ELMO1: variants seen among roughly 807,000 people sequenced by gnomAD.
The protein encoded by ELMO1 is engulfment and cell motility protein 1.
A neutral mutation model predicts 98.9 loss-of-function variants in ELMO1; 26 were observed. The observed-to-expected ratio is 0.26, with a 90% confidence interval of 0.19 to 0.36. The LOEUF is 0.36. Ranked by LOEUF, ELMO1 falls within the 10% of genes least tolerant of loss-of-function variation. The probability of loss-of-function intolerance (pLI) is 1.00; values close to 1 mark genes in which losing one functional copy is unlikely to be tolerated. For missense variants in ELMO1, 627 were observed against 935.2 expected, an observed-to-expected ratio of 0.67 and a Z score of 4.30; for synonymous variants, 346 against 346.0, an observed-to-expected ratio of 1.00 and a Z score of 0.00.
At chr7:37,388,487 T>C (rs993959434) in intron 1 of ELMO1, among the ~76,000 whole-genome samples, 10 of 151,288 alleles carry the variant, frequency 6.6e-5, no homozygotes, top group African/African-American at 1.7e-4. Context: ...TTCTGGGAAG[T>C]TGTAATTGGG....
At chr7:36,919,559 C>T in intron 16 of ELMO1, 1 of 353,588 alleles carries the variant, frequency 2.8e-6, no homozygotes, top group South Asian at 2.2e-5. Context: ...TGCTGGGTTG[C>T]TATGATAATT....
At chr7:37,226,825 T>G (rs967275634) in intron 8 of ELMO1, among the ~76,000 whole-genome samples, 3 of 152,154 alleles carry the variant, frequency 2.0e-5, no homozygotes, top group Non-Finnish European at 4.4e-5. Flanking sequence ...GTGATCCATT[T>G]CAGTAACATG....
At chr7:37,325,214 C>T (rs1463886135) in intron 2 of ELMO1, among the ~76,000 whole-genome samples, 1 of 152,250 alleles carries the variant, frequency 6.6e-6, no homozygotes, top group Non-Finnish European at 1.5e-5. Flanking sequence ...TTGGCACTTG[C>T]CGCATCCTGC....
intron 13 of ELMO1, among the ~76,000 whole-genome samples, chr7:37,190,471 C>T (rs1377060770): frequency 6.6e-6 from 1 of 152,108 alleles, no homozygotes; most frequent in African/African-American, 2.4e-5. Flanking sequence ...CTATCCTATT[C>T]TAGGTTTTCA....
chr7:37,248,543 G>C (rs1210283641), intron 6 of ELMO1, among the ~76,000 whole-genome samples: 2 of 152,222 alleles, frequency 1.3e-5, no homozygotes, highest in Non-Finnish European at 2.9e-5. Context: ...TTCTGGGAGA[G>C]CCCTCAAGAG....
At chr7:37,054,368 C>G (rs995117754) in intron 15 of ELMO1, among the ~76,000 whole-genome samples, 1 of 152,124 alleles carries the variant, frequency 6.6e-6, no homozygotes, top group East Asian at 1.9e-4. Context: ...CACTAACTAA[C>G]AGCCTACCAA....
rs1453821875 is a variant in ELMO1 at position 36,983,312 on chromosome 7, C to T, written c.1437+29987G>A. Among the ~76,000 whole-genome samples the T allele has an allele frequency of 2.0e-5, 3 of 152,226 alleles. No homozygotes were observed. The East Asian group carries it at 5.8e-4, about 29-fold the overall frequency. Reference sequence around the variant, plus strand: ...TGATGGGCTTTTTACTTAGCTCAAACTTCCCAAATGGCGTTATTAATAATT... The same window carrying T: ...TGATGGGCTTTTTACTTAGCTCAAATTTCCCAAATGGCGTTATTAATAATT... On this transcript the variant is annotated intron_variant, in intron 16 of 21. Coordinates refer to ENST00000310758, the MANE Select transcript of ELMO1 (RefSeq NM_014800.11).
chr7:37,219,107 CTG>C (rs1252453300), intron 10 of ELMO1, among the ~76,000 whole-genome samples: 3 of 152,014 alleles, frequency 2.0e-5, no homozygotes, highest in Non-Finnish European at 4.4e-5. Flanking sequence ...TGCCAGGAAA[CTG>C]AGAATCTCCT....
chr7:37,404,630 G>A (rs1429830250), intron 1 of ELMO1, among the ~76,000 whole-genome samples: 3 of 152,120 alleles, frequency 2.0e-5, no homozygotes, highest in Non-Finnish European at 2.9e-5. Flanking sequence ...CCCCATCTGC[G>A]AGGCCCAGAT....
chr7:37,364,245 T>C (rs532572689), intron 1 of ELMO1, among the ~76,000 whole-genome samples: 30 of 152,326 alleles, frequency 2.0e-4, no homozygotes, highest in African/African-American at 7.2e-4. Context: ...TATGCCTTTA[T>C]TAATATAAAA....
At chr7:37,103,494 G>A (rs1191313891) in intron 14 of ELMO1, among the ~76,000 whole-genome samples, 1 of 128,794 alleles carries the variant, frequency 7.8e-6, no homozygotes, top group Non-Finnish European at 1.6e-5. Context: ...ATAAGAAGGG[G>A]AACAGCACAC....
intron 4 of ELMO1, among the ~76,000 whole-genome samples, chr7:37,283,425 G>A (rs1342153232): frequency 6.6e-6 from 1 of 152,202 alleles, no homozygotes; most frequent in Non-Finnish European, 1.5e-5. Flanking sequence ...CTGGTGTCTA[G>A]GCTGGGGACT....
At chr7:37,344,691 G>T (rs1800910278) in intron 1 of ELMO1, among the ~76,000 whole-genome samples, 1 of 152,152 alleles carries the variant, frequency 6.6e-6, no homozygotes, top group African/African-American at 2.4e-5. Context: ...TTTACACCCA[G>T]CCTCACCAAC....
intron 16 of ELMO1, among the ~76,000 whole-genome samples, chr7:36,920,143 C>T (rs1171880573): frequency 6.6e-6 from 1 of 152,196 alleles, no homozygotes; most frequent in Non-Finnish European, 1.5e-5. Flanking sequence ...GCTAATATGC[C>T]CCTTGGCCAG....
chr7:37,176,183 A>G (rs1345193111), intron 13 of ELMO1, among the ~76,000 whole-genome samples: 1 of 152,258 alleles, frequency 6.6e-6, no homozygotes, highest in Non-Finnish European at 1.5e-5. Flanking sequence ...TAACATCTCA[A>G]CAATTTCCCA....
intron 4 of ELMO1, among the ~76,000 whole-genome samples, chr7:37,313,651 G>A (rs995079998): frequency 6.6e-6 from 1 of 152,190 alleles, no homozygotes; most frequent in African/African-American, 2.4e-5. Context: ...AAGCATTCAG[G>A]CCTTTGAGGC....
intron 1 of ELMO1, among the ~76,000 whole-genome samples, chr7:37,418,738 C>T (rs991863669): frequency 4.6e-5 from 7 of 152,118 alleles, no homozygotes; most frequent in South Asian, 2.1e-4. Flanking sequence ...CACACAGATG[C>T]GGGCAGGCAG....
chr7:37,178,874 A>G (rs1222983759), intron 13 of ELMO1, among the ~76,000 whole-genome samples: 2 of 152,168 alleles, frequency 1.3e-5, no homozygotes, highest in African/African-American at 4.8e-5. Flanking sequence ...AAAAATAAGG[A>G]AAGACTGAGA....
intron 15 of ELMO1, among the ~76,000 whole-genome samples, chr7:37,049,262 T>C (rs1469800850): frequency 6.6e-6 from 1 of 152,128 alleles, no homozygotes; most frequent in African/African-American, 2.4e-5. Context: ...AGTGCCGCTT[T>C]GGGACTCCCC....
Sources: allele counts gnomAD v4.1 joint callset (sites outside exome capture counted in the v4.1 genomes callset), GRCh38; gene constraint gnomAD v4.1.1; transcripts MANE v1.5; gene names NCBI Gene and HGNC (gene_info 2026-07-23, HGNC 2026-07-21).